Variants in PDE1A observed in about 807,000 individuals in gnomAD.
PDE1A encodes the protein dual specificity calcium/calmodulin-dependent 3',5'-cyclic nucleotide phosphodiesterase 1A.
PDE1A carries 35 observed loss-of-function variants against 61.7 expected under a neutral mutation model. That is an observed-to-expected ratio of 0.57 (90% CI 0.43 to 0.75). The LOEUF (loss-of-function observed/expected upper bound fraction) is 0.75. Among genes scored for constraint, PDE1A ranks in the 30% least tolerant of loss-of-function variants. PDE1A has a pLI of 0.00. For synonymous variants in PDE1A, 232 were observed against 213.2 expected (o/e 1.09, Z -0.77); for missense variants, 597 against 630.6 (o/e 0.95, Z 0.57).
chr2:182,673,976 G>A, the PDE1A span, among the ~76,000 whole-genome samples: 1 of 137,060 alleles, frequency 7.3e-6, no homozygotes, highest in Admixed American at 7.5e-5. Context: ...TTATGTCATA[G>A]GTAATATAAC....
At chr2:182,325,478 A>G (rs1478667338) in intron 1 of PDE1A, among the ~76,000 whole-genome samples, 1 of 152,202 alleles carries the variant, frequency 6.6e-6, no homozygotes. Context: ...TGAGTTCATT[A>G]TAATTAAAAA....
the PDE1A span, among the ~76,000 whole-genome samples, chr2:182,565,941 C>T: frequency 6.6e-6 from 1 of 151,978 alleles, no homozygotes; most frequent in Non-Finnish European, 1.5e-5. Flanking sequence ...GCTAATATTA[C>T]TAAGAAAAAG....
chr2:182,605,163 C>T, the PDE1A span, among the ~76,000 whole-genome samples: 2 of 152,092 alleles, frequency 1.3e-5, no homozygotes, highest in Non-Finnish European at 2.9e-5. Context: ...CTGGGCCCTG[C>T]CCTGGTCCAA....
chr2:182,459,342 A>G (rs1273020920), intron 2 of PDE1A, among the ~76,000 whole-genome samples: 1 of 152,128 alleles, frequency 6.6e-6, no homozygotes, highest in Non-Finnish European at 1.5e-5. Context: ...CCCCTTGAGA[A>G]GGCTCCCTCC....
chr2:182,624,760 T>A, the PDE1A span, among the ~76,000 whole-genome samples: 2 of 152,158 alleles, frequency 1.3e-5, no homozygotes, highest in Non-Finnish European at 2.9e-5. Flanking sequence ...TATGCACGTG[T>A]CCTAATTGCC....
At chr2:182,227,914 T>C (rs903727528) in intron 6 of PDE1A, among the ~76,000 whole-genome samples, 1 of 152,106 alleles carries the variant, frequency 6.6e-6, no homozygotes, top group African/African-American at 2.4e-5. Flanking sequence ...ACTGTTTCTG[T>C]GTAGTCAGTG....
rs537889531 is a variant in PDE1A, at chr2:182,370,314, C to T, written c.53+56264G>A. On this transcript the variant is annotated intron_variant, in intron 1 of 13. Coordinates refer to ENST00000351439, the Ensembl canonical transcript of PDE1A. The stretch of plus-strand genomic sequence containing the variant: ...ATGGAGATGAACGAAATTAATAGGT[C>T]GCATGCCTAATGGACTCTAGTTCCT... Among the ~76,000 whole-genome samples, 23 of 152,134 alleles carry T rather than the reference C, an allele frequency of 1.5e-4. No individual in the cohort carries two copies. The South Asian group carries it at 3.3e-3, about 22-fold the overall frequency.
At chr2:182,545,528 T>C in the PDE1A span, among the ~76,000 whole-genome samples, 4 of 152,238 alleles carry the variant, frequency 2.6e-5, no homozygotes, top group Non-Finnish European at 2.9e-5. Context: ...ACAAATACTA[T>C]AGTGGAAAAG....
At chr2:182,409,511 G>C (rs1160459621) in intron 1 of PDE1A, among the ~76,000 whole-genome samples, 1 of 152,188 alleles carries the variant, frequency 6.6e-6, no homozygotes, top group Non-Finnish European at 1.5e-5. Context: ...TTCTAGTGGA[G>C]AGGGCAGACA....
At chr2:182,315,367 G>A (rs1275771739) in intron 1 of PDE1A, among the ~76,000 whole-genome samples, 2 of 152,078 alleles carry the variant, frequency 1.3e-5, no homozygotes, top group Admixed American at 6.5e-5. Flanking sequence ...TTGACACAGA[G>A]TTTCTCTCTC....
chr2:182,411,482 G>T (rs1702612326), intron 1 of PDE1A, among the ~76,000 whole-genome samples: 1 of 152,258 alleles, frequency 6.6e-6, no homozygotes, highest in Admixed American at 6.5e-5. Flanking sequence ...ACAGGTCTTT[G>T]ATGACAATTG....
At chr2:182,309,163 C>A (rs925371193) in intron 1 of PDE1A, among the ~76,000 whole-genome samples, 2 of 151,938 alleles carry the variant, frequency 1.3e-5, no homozygotes, top group Non-Finnish European at 2.9e-5. Flanking sequence ...ATTTAAGAGA[C>A]TCAATTGCAT....
At chr2:182,426,906 G>C in exon 1 of PDE1A, 1 of 1,231,498 alleles carries the variant, frequency 8.1e-7, no homozygotes, top group South Asian at 2.4e-5. Flanking sequence ...GGCAAGAGAA[G>C]TGCACGGGAC....
intron 1 of PDE1A, among the ~76,000 whole-genome samples, chr2:182,377,091 G>A (rs568762756): frequency 2.6e-5 from 4 of 152,236 alleles, no homozygotes; most frequent in Admixed American, 2.6e-4. Context: ...CCACGTGATT[G>A]GGTAAAAAAA....
intron 1 of PDE1A, among the ~76,000 whole-genome samples, chr2:182,379,420 C>T (rs965350210): frequency 2.0e-5 from 3 of 152,192 alleles, no homozygotes; most frequent in Non-Finnish European, 4.4e-5. Context: ...AAGCACATGG[C>T]CCTTGCTGAC....
chr2:182,631,978 C>T, the PDE1A span, among the ~76,000 whole-genome samples: 1 of 152,208 alleles, frequency 6.6e-6, no homozygotes, highest in African/African-American at 2.4e-5. Context: ...ATCAGATACA[C>T]TGATACTAAA....
chr2:182,332,858 T>C (rs1404870771), intron 1 of PDE1A, among the ~76,000 whole-genome samples: 1 of 151,464 alleles, frequency 6.6e-6, no homozygotes, highest in African/African-American at 2.4e-5. Flanking sequence ...ACACATAGGC[T>C]CAAAATAAAG....
exon 8 of PDE1A, chr2:182,206,059 A>C: frequency 6.2e-7 from 1 of 1,605,350 alleles, no homozygotes; most frequent in Non-Finnish European, 8.5e-7. Flanking sequence ...AAATGGCAAC[A>C]TCTGACCTAA....
At chr2:182,675,015 G>C in the PDE1A span, among the ~76,000 whole-genome samples, 1 of 152,064 alleles carries the variant, frequency 6.6e-6, no homozygotes, top group Admixed American at 6.6e-5. Flanking sequence ...AGGTAAACTT[G>C]TGTCATGGGT....
Sources: gnomAD v4.1 joint callset for allele counts (sites outside exome capture counted in the v4.1 genomes callset) on GRCh38, gnomAD v4.1.1 for gene constraint, MANE v1.5 for transcripts, NCBI Gene and HGNC (gene_info 2026-07-23, HGNC 2026-07-21) for gene names.